SCML4: variants seen among roughly 807,000 people sequenced by gnomAD.
SCML4 encodes the protein sex comb on midleg-like protein 4.
A neutral mutation model predicts 41.1 loss-of-function variants in SCML4; 34 were observed. The observed-to-expected ratio is 0.83, with a 90% confidence interval of 0.63 to 1.10. SCML4 has a LOEUF of 1.10. SCML4 is among the 50% of genes least tolerant of loss of function. The pLI, the probability that SCML4 is intolerant of heterozygous loss-of-function variation, is 0.00. For synonymous variants in SCML4, 214 were observed against 220.9 expected, an observed-to-expected ratio of 0.97 and a Z score of 0.28; for missense variants, 522 against 534.1, an observed-to-expected ratio of 0.98 and a Z score of 0.22.
At chr6:107,841,401 C>T in the SCML4 span, among the ~76,000 whole-genome samples, 2 of 152,232 alleles carry the variant, frequency 1.3e-5, no homozygotes, top group African/African-American at 4.8e-5. Context: ...CCAAGTACCA[C>T]TTATCCAGAG....
chr6:107,832,233 T>C, the SCML4 span, among the ~76,000 whole-genome samples: 112,693 of 151,992 alleles, frequency 0.74, 42,137 homozygotes, highest in East Asian at 0.93. Flanking sequence ...AGAAAGACTC[T>C]GTCTCAAACA....
At chr6:107,743,022 C>A (rs1392728661) in intron 5 of SCML4, among the ~76,000 whole-genome samples, 1 of 152,104 alleles carries the variant, frequency 6.6e-6, no homozygotes, top group Admixed American at 6.6e-5. Flanking sequence ...ATAGAGGCAA[C>A]TAAAAGTCCA....
chr6:107,707,747 T>G (rs866904947), intron 7 of SCML4, 119 bp downstream of exon 7: 2 of 1,283,362 alleles, frequency 1.6e-6, no homozygotes. Context: ...CCCTAGGGCT[T>G]AGTTTAGAGC....
At chr6:107,726,703 G>A (rs1181910414) in intron 5 of SCML4, among the ~76,000 whole-genome samples, 1 of 152,066 alleles carries the variant, frequency 6.6e-6, no homozygotes, top group East Asian at 1.9e-4. Flanking sequence ...AAACCACAAT[G>A]AGTCACCACT....
intron 5 of SCML4, among the ~76,000 whole-genome samples, chr6:107,737,123 C>G (rs1198516184): frequency 6.6e-6 from 1 of 152,210 alleles, no homozygotes; most frequent in Non-Finnish European, 1.5e-5. Flanking sequence ...TGCGTGTTTG[C>G]TGTGTTTCAG....
intron 5 of SCML4, among the ~76,000 whole-genome samples, chr6:107,722,018 A>G (rs1195719466): frequency 6.8e-6 from 1 of 147,680 alleles, no homozygotes; most frequent in African/African-American, 2.5e-5. Flanking sequence ...GTTTTAATCA[A>G]TAAGTCTGTC....
At chr6:107,710,137 A>ATTCCTCCCACTCAC (rs374670602) in intron 6 of SCML4, among the ~76,000 whole-genome samples, 1 of 67,666 alleles carries the variant, frequency 1.5e-5, no homozygotes, top group Non-Finnish European at 3.3e-5. Context: ...TTTCCTAAGG[A>ATTCCTCCCACTCAC]TGAGAGCTAA....
At chr6:107,815,676 G>A (rs111453593) in intron 1 of SCML4, among the ~76,000 whole-genome samples, 1,843 of 152,310 alleles carry the variant, frequency 0.012, 37 homozygotes, top group African/African-American at 0.042. Flanking sequence ...CCAGAGGCGG[G>A]TGCCTGCGTT....
At chr6:107,831,942 A>C in the SCML4 span, among the ~76,000 whole-genome samples, 26 of 152,040 alleles carry the variant, frequency 1.7e-4, no homozygotes, top group Non-Finnish European at 3.1e-4. Context: ...GCATGCCTGT[A>C]GTCCTAGCTA....
At chr6:107,819,908 C>T (rs963243843) in intron 1 of SCML4, among the ~76,000 whole-genome samples, 1 of 152,190 alleles carries the variant, frequency 6.6e-6, no homozygotes, top group African/African-American at 2.4e-5. Context: ...CAGCTTAATG[C>T]AAAGTGAGAA....
At chr6:107,709,629 A>G (rs1289712965) in intron 6 of SCML4, among the ~76,000 whole-genome samples, 1 of 152,046 alleles carries the variant, frequency 6.6e-6, no homozygotes, top group Non-Finnish European at 1.5e-5. Context: ...CTCATGTTCC[A>G]CCTGATGCCT....
chr6:107,807,061 CTTTTTT>C (rs201486996), intron 1 of SCML4, among the ~76,000 whole-genome samples: 2 of 133,540 alleles, frequency 1.5e-5, no homozygotes, highest in Non-Finnish European at 1.7e-5. Context: ...TGTTCCTAAG[CTTTTTT>C]TTTTTTTTTT....
chr6:107,809,578 G>C (rs972440186), intron 1 of SCML4, among the ~76,000 whole-genome samples: 7 of 152,174 alleles, frequency 4.6e-5, no homozygotes, highest in African/African-American at 1.7e-4. Flanking sequence ...CAATTGGAAG[G>C]CATGGGGTAA....
At chr6:107,749,137 C>T (rs1007267900) in intron 3 of SCML4, among the ~76,000 whole-genome samples, 3 of 151,702 alleles carry the variant, frequency 2.0e-5, no homozygotes, top group Admixed American at 6.6e-5. Flanking sequence ...TGTGTGTGTG[C>T]ATGTGCGTGT....
chr6:107,819,039 C>T (rs1033024082), intron 1 of SCML4, among the ~76,000 whole-genome samples: 2 of 150,262 alleles, frequency 1.3e-5, no homozygotes, highest in African/African-American at 4.9e-5. Flanking sequence ...AGAAAAGGCC[C>T]CTATGGTCTA....
At chr6:107,777,748 T>C (rs1256232041) in intron 1 of SCML4, among the ~76,000 whole-genome samples, 1 of 152,040 alleles carries the variant, frequency 6.6e-6, no homozygotes, top group African/African-American at 2.4e-5. Context: ...AAGTAGCAGC[T>C]TGCCACCATC....
chr6:107,812,157 C>G (rs1583654585), intron 1 of SCML4, among the ~76,000 whole-genome samples: 1 of 152,234 alleles, frequency 6.6e-6, no homozygotes, highest in Non-Finnish European at 1.5e-5. Flanking sequence ...CCCATGAGGG[C>G]AGCTGGAATT....
intron 1 of SCML4, among the ~76,000 whole-genome samples, chr6:107,784,165 T>C (rs1224664073): frequency 6.6e-6 from 1 of 152,156 alleles, no homozygotes; most frequent in Non-Finnish European, 1.5e-5. Context: ...TTGAGACCAG[T>C]TCGTGACCGG....
At chr6:107,840,437 T>C in the SCML4 span, among the ~76,000 whole-genome samples, 22,510 of 152,200 alleles carry the variant, frequency 0.15, 1,933 homozygotes, top group Non-Finnish European at 0.2. Context: ...CCTGAGTAGA[T>C]TGTCCTTCTA....
Sources: gnomAD v4.1 joint callset for allele counts (sites outside exome capture counted in the v4.1 genomes callset) on GRCh38, gnomAD v4.1.1 for gene constraint, MANE v1.5 for transcripts, NCBI Gene and HGNC (gene_info 2026-07-23, HGNC 2026-07-21) for gene names.